CRISP1: variants seen among roughly 807,000 people sequenced by gnomAD.
CRISP1 encodes cysteine-rich secretory protein 1.
A neutral mutation model predicts 33.1 loss-of-function variants in CRISP1; 44 were observed. The observed-to-expected ratio is 1.33, with a 90% CI of 1.05 to 1.71. The LOEUF is 1.71. CRISP1 is among the 40% of genes most tolerant of loss of function. The pLI is 0.00. For synonymous variants in CRISP1, 103 were observed against 98.7 expected (o/e 1.04, Z -0.26); for missense variants, 390 against 301.2 (o/e 1.29, Z -2.18).
At position 49,834,783 on chromosome 6, in the gene CRISP1, G is replaced by A. The variant is rs1450284367; in HGVS notation, c.*533C>T. ...TTGCTTCACAAATGTATATATAGAT[G>A]TGTCAATAAAACAATGAGACATTTA... On this transcript the variant is annotated 3_prime_UTR_variant, in exon 8 of 8. Transcript: ENST00000335847. The A allele has an allele frequency of 1.3e-5, 2 of 152,292 alleles. No individual in the cohort carries two copies. Among genetic ancestry groups the A allele is most frequent in the Admixed American group, 6.5e-5 (1 of 15,274 alleles). 9.4% of individuals were successfully genotyped at this position (152,292 alleles called of 1,614,324 possible).
At chr6:49,849,717 T>C (rs959830597) in intron 3 of CRISP1, among the ~76,000 whole-genome samples, 1 of 152,166 alleles carries the variant, frequency 6.6e-6, no homozygotes, top group Non-Finnish European at 1.5e-5. Context: ...AGTGTCGTCC[T>C]GAGCATGTAG....
chr6:49,836,700 G>A (rs946970044), intron 7 of CRISP1, among the ~76,000 whole-genome samples: 1 of 152,046 alleles, frequency 6.6e-6, no homozygotes, highest in Non-Finnish European at 1.5e-5. Context: ...ATCCTTCTAT[G>A]CTATACACAT....
At chr6:49,848,666 G>A (rs779971626) in intron 3 of CRISP1, among the ~76,000 whole-genome samples, 30 of 152,054 alleles carry the variant, frequency 2.0e-4, no homozygotes, top group Non-Finnish European at 3.4e-4. Flanking sequence ...TATCCATCTG[G>A]AAACTGTTAC....
upstream of CRISP1, chr6:49,866,538 G>A (rs912401656): frequency 6.6e-6 from 1 of 152,116 alleles, no homozygotes; most frequent in African/African-American, 2.4e-5. Flanking sequence ...TGTTCAATGA[G>A]GTAGTCAGTA....
rs968049977 is a variant in CRISP1, at chr6:49,848,115, A to T, written c.286+94T>A. On this transcript the variant is annotated intron_variant, in intron 4 of 7. Transcript: ENST00000335847. The stretch of plus-strand genomic sequence containing the variant: ...CAGTGCAAATGAGGAAATCTAGATG[A>T]CTTAATTTACTTTCATCAGGGTACA... 18 of 661,310 alleles carry T rather than the reference A, an allele frequency of 2.7e-5. No individual in the cohort carries two copies. In the Admixed American group the frequency reaches 5.1e-4, roughly 19 times the overall value. The allele number at this position is 661,310 out of a possible 1,614,324, so 41.0% of individuals were successfully genotyped here. A position where few individuals can be genotyped will look rare whatever the true frequency, so the allele number is the denominator to read the frequency against.
chr6:49,852,183 C>A, intron 2 of CRISP1, 54 bp from the exon 3 acceptor site: 1 of 1,577,102 alleles, frequency 6.3e-7, no homozygotes. Context: ...GAATTTGTCA[C>A]ATATATTTTG....
intron 4 of CRISP1, 23 bp downstream of exon 4, chr6:49,848,186 G>T (rs115639859): frequency 3.8e-6 from 5 of 1,332,702 alleles, no homozygotes; most frequent in Admixed American, 2.3e-5. Context: ...GTCCAAAGGC[G>T]GGTCATATAG....
chr6:49,853,110 C>G (rs973494904), intron 2 of CRISP1, among the ~76,000 whole-genome samples: 2 of 152,008 alleles, frequency 1.3e-5, no homozygotes, highest in African/African-American at 4.8e-5. Flanking sequence ...ATTCAGAAGA[C>G]TCCTCTAGAG....
rs140117026 is a variant in CRISP1, at chr6:49,876,148, C to G, written c.-3+861G>C. ...AAATTTTTTCGGTCTATTCATCTGA[C>G]AAAGGTCTAATATCAAGAGAGTACA... On this transcript the variant is annotated intron_variant, in intron 1 of 7. Transcript: ENST00000505118. Among the ~76,000 whole-genome samples the G allele has an allele frequency of 4.2e-3, 634 of 152,152 alleles. 3 individuals carry two copies. The highest frequency in any genetic ancestry group is 6.8e-3 in the Non-Finnish European group (463 of 67,994).
intron 2 of CRISP1, among the ~76,000 whole-genome samples, chr6:49,856,435 T>C (rs1372613494): frequency 6.6e-6 from 1 of 152,182 alleles, no homozygotes; most frequent in Non-Finnish European, 1.5e-5. Flanking sequence ...TTCAGGACTC[T>C]AATTCAGGAC....
At chr6:49,865,304 G>A (rs990053043) in intron 1 of CRISP1, among the ~76,000 whole-genome samples, 1 of 152,050 alleles carries the variant, frequency 6.6e-6, no homozygotes, top group East Asian at 1.9e-4. Flanking sequence ...GAAAAGATAA[G>A]GATTCTGATA....
chr6:49,850,023 T>A (rs1302777375), intron 3 of CRISP1, among the ~76,000 whole-genome samples: 4 of 141,382 alleles, frequency 2.8e-5, no homozygotes, highest in Non-Finnish European at 6.0e-5. Context: ...CCGCATATTC[T>A]CACTCATAGG....
At chr6:49,868,181 G>A (rs569227440), upstream of CRISP1, among the ~76,000 whole-genome samples, 79 of 152,250 alleles carry the variant, frequency 5.2e-4, no homozygotes, top group African/African-American at 1.9e-3. Flanking sequence ...AAGAATTTGG[G>A]AAGTGTTGGA....
intron 1 of CRISP1, among the ~76,000 whole-genome samples, chr6:49,860,725 A>G (rs1015156424): frequency 9.9e-5 from 15 of 152,152 alleles, no homozygotes; most frequent in Admixed American, 9.2e-4. Flanking sequence ...GAAAATAAGG[A>G]CAAATCAAAC....
In CRISP1 at chr6:49,845,074, T is replaced by C. The variant is rs150694121; in HGVS notation, c.435+1446A>G. 1.9e-3 allele frequency among the ~76,000 whole-genome samples: 283 copies of C among 152,300 alleles called. 2 individuals carry two copies. The highest frequency in any genetic ancestry group is 6.3e-3 in the African/African-American group (261 of 41,578). On this transcript the variant is annotated intron_variant, in intron 5 of 7. Coordinates refer to ENST00000335847, the MANE Select transcript of CRISP1 (RefSeq NM_001131.3). ...GGGGCAATGGTACAATGTTATGAGC[T>C]GAATTCTTCCCCCAAAATTCGTATT...
At chr6:49,841,473 CTG>C (rs1770986495) in intron 5 of CRISP1, among the ~76,000 whole-genome samples, 2 of 152,138 alleles carry the variant, frequency 1.3e-5, no homozygotes, top group South Asian at 4.1e-4. Flanking sequence ...CCGTACATGA[CTG>C]TGCATGGGAT....
chr6:49,860,228 C>A (rs1400485731), intron 1 of CRISP1, among the ~76,000 whole-genome samples: 1 of 152,050 alleles, frequency 6.6e-6, no homozygotes, highest in Non-Finnish European at 1.5e-5. Context: ...TAGAAATTAA[C>A]AAAGAAACAT....
At chr6:49,859,688 C>T (rs977818015) in intron 1 of CRISP1, among the ~76,000 whole-genome samples, 3 of 151,858 alleles carry the variant, frequency 2.0e-5, no homozygotes, top group Non-Finnish European at 4.4e-5. Flanking sequence ...TACCTAACCA[C>T]CATGATAAAC....
At chr6:49,857,522 G>C in intron 1 of CRISP1, 120 bp from the exon 2 acceptor site, 2 of 842,064 alleles carry the variant, frequency 2.4e-6, no homozygotes, top group Non-Finnish European at 3.8e-6. Context: ...AAACCTTTAG[G>C]ATCCGAACAA....
Sources: allele counts gnomAD v4.1 joint callset (sites outside exome capture counted in the v4.1 genomes callset), GRCh38; gene constraint gnomAD v4.1.1; transcripts MANE v1.5; gene names NCBI Gene and HGNC (gene_info 2026-07-23, HGNC 2026-07-21).